Variants in PACRGL observed in about 807,000 individuals in gnomAD.
PACRGL encodes PACRG-like protein.
Under a neutral mutation model 34.5 loss-of-function variants are expected in PACRGL, and 38 were observed. The observed-to-expected ratio is 1.10, with a 90% CI of 0.85 to 1.44. The LOEUF (loss-of-function observed/expected upper bound fraction) is 1.44, where lower values mean the gene tolerates loss of function less well. PACRGL is among the 40% of genes most tolerant of loss of function. PACRGL has a pLI of 0.00. For synonymous variants in PACRGL, 128 were observed against 100.1 expected (o/e 1.28, Z -1.66); for missense variants, 305 against 281.4 (o/e 1.08, Z -0.60).
downstream of PACRGL, among the ~76,000 whole-genome samples, chr4:20,757,338 G>T (rs540187801): frequency 5.3e-4 from 80 of 152,128 alleles, no homozygotes; most frequent in Non-Finnish European, 9.0e-4. Flanking sequence ...CTCCCTGCCT[G>T]CAGTATTGCT....
chr4:20,727,283 A>AG lies in PACRGL; in HGVS notation c.693dup, dbSNP rs1491194692. ...TGATGCTCAATTTTTTTCTGTTGACAGGGGAGCCTTAGCATCATCAAATCT... is the reference window on the plus strand; with the variant it reads ...TGATGCTCAATTTTTTTCTGTTGACAGGGGGAGCCTTAGCATCATCAAATCT... On this transcript the variant is annotated splice_acceptor_variant, in intron 8 of 8. Coordinates refer to ENST00000503585, the MANE Select transcript of PACRGL (RefSeq NM_001258345.3). LOFTEE classifies it high-confidence loss of function. The AG allele has an allele frequency of 1.9e-6, 3 of 1,609,862 alleles. No individual in the cohort carries two copies. Among genetic ancestry groups the AG allele is most frequent in the Non-Finnish European group, 8.5e-7 (1 of 1,176,366 alleles).
At chr4:20,757,905 C>T (rs867018789), downstream of PACRGL, among the ~76,000 whole-genome samples, 1 of 152,176 alleles carries the variant, frequency 6.6e-6, no homozygotes, top group South Asian at 2.1e-4. Context: ...TTTATGTCCT[C>T]TCTGTCCTGC....
intron 7 of PACRGL, among the ~76,000 whole-genome samples, chr4:20,718,542 G>C (rs1049416484): frequency 2.0e-5 from 3 of 152,114 alleles, no homozygotes; most frequent in Non-Finnish European, 4.4e-5. Flanking sequence ...TAGCATGAAG[G>C]GTTGCTGATT....
chr4:20,747,562 C>T (rs1459909533), intron 8 of PACRGL, among the ~76,000 whole-genome samples: 1 of 152,180 alleles, frequency 6.6e-6, no homozygotes. Context: ...TCTCCTCTCC[C>T]TCCACTAACT....
intron 8 of PACRGL, among the ~76,000 whole-genome samples, chr4:20,725,281 G>T (rs1356556399): frequency 6.6e-6 from 1 of 151,940 alleles, no homozygotes; most frequent in South Asian, 2.1e-4. Context: ...TTCATTTGCT[G>T]CCTTTTCTGA....
At chr4:20,712,732 T>C in intron 5 of PACRGL, 56 bp from the exon 6 acceptor site, 1 of 1,329,586 alleles carries the variant, frequency 7.5e-7, no homozygotes, top group African/African-American at 1.5e-5. Context: ...TCAATTTTTC[T>C]GTTATTAGCA....
intron 7 of PACRGL, chr4:20,716,077 ACTTTAAT>A (rs890179062): frequency 3.3e-6 from 5 of 1,515,834 alleles, no homozygotes; most frequent in South Asian, 1.2e-5. Context: ...GATATGTATA[ACTTTAAT>A]CTTTAATATA....
chr4:20,753,932 TCA>T, downstream of PACRGL, among the ~76,000 whole-genome samples: 1 of 151,952 alleles, frequency 6.6e-6, no homozygotes, highest in Admixed American at 6.5e-5. Context: ...ATTCATTCAT[TCA>T]TTCAACAACT....
At chr4:20,740,387 G>A (rs1750773745) in intron 8 of PACRGL, among the ~76,000 whole-genome samples, 1 of 152,202 alleles carries the variant, frequency 6.6e-6, no homozygotes, top group South Asian at 2.1e-4. Flanking sequence ...ACTCTCGGCA[G>A]AAACTTTACA....
intron 1 of PACRGL, among the ~76,000 whole-genome samples, chr4:20,703,097 A>T (rs1169056393): frequency 6.6e-6 from 1 of 152,214 alleles, no homozygotes; most frequent in Admixed American, 6.5e-5. Context: ...AAAGCATTTC[A>T]TGTGAGGAAT....
intron 7 of PACRGL, among the ~76,000 whole-genome samples, chr4:20,713,950 G>C (rs1738550818): frequency 6.6e-6 from 1 of 152,102 alleles, no homozygotes; most frequent in South Asian, 2.1e-4. Flanking sequence ...GGTGTGGTGT[G>C]GTGCTGAAAA....
intron 1 of PACRGL, among the ~76,000 whole-genome samples, chr4:20,702,465 CTT>C (rs1454838797): frequency 6.6e-6 from 1 of 152,134 alleles, no homozygotes; most frequent in Admixed American, 6.6e-5. Flanking sequence ...CTGAAGAACA[CTT>C]TGTACCATTG....
rs760675026 is a variant in PACRGL, at chr4:20,704,666, A to G, written c.59A>G (p.Tyr20Cys). 18 of 1,613,982 alleles carry G rather than the reference A, an allele frequency of 1.1e-5. 1 individual carries two copies. In the Admixed American group the frequency reaches 1.3e-4, roughly 12 times the overall value. ...ATGTTCTGTTTTTTTCCAGGTAACT[A>G]TGATCAAAGGACATCATCAAGCACA... ...TQLKNRATGN[Y>C]DQRTSSSTQL... The change falls in exon 3 of 9, where the codon TAT becomes TGT. Residue 20 changes from tyrosine (Y) to cysteine (C), a missense_variant. Physicochemically the swap from Tyr to Cys is radical, Grantham distance 194 (BLOSUM62 -2). Coordinates refer to ENST00000503585, the MANE Select transcript of PACRGL (RefSeq NM_001258345.3).
At chr4:20,720,896 C>T (rs1175204570) in intron 7 of PACRGL, among the ~76,000 whole-genome samples, 3 of 152,176 alleles carry the variant, frequency 2.0e-5, no homozygotes, top group Non-Finnish European at 4.4e-5. Flanking sequence ...GGAAAGTTCT[C>T]CTGGATAATA....
chr4:20,758,978 T>G, the PACRGL span: 1 of 940,278 alleles, frequency 1.1e-6, no homozygotes, highest in South Asian at 1.4e-5. Context: ...CTGTCTACCA[T>G]GCAAAGCTGC....
intron 8 of PACRGL, chr4:20,749,864 C>A (rs926666135): frequency 1.6e-5 from 9 of 556,240 alleles, no homozygotes; most frequent in African/African-American, 1.1e-4. Context: ...TTCTTCACAA[C>A]TGCTTACCCT....
downstream of PACRGL, among the ~76,000 whole-genome samples, chr4:20,736,624 A>T (rs530809645): frequency 1.3e-5 from 2 of 152,172 alleles, no homozygotes; most frequent in Non-Finnish European, 2.9e-5. Context: ...ACAGTGTTAC[A>T]TAATGAAAAT....
intron 8 of PACRGL, among the ~76,000 whole-genome samples, chr4:20,737,910 T>G (rs1328093982): frequency 1.3e-5 from 2 of 151,836 alleles, no homozygotes; most frequent in Non-Finnish European, 2.9e-5. Context: ...GGTGGGAAGG[T>G]TGTTTGAGTC....
chr4:20,717,752 T>C (rs138157852), intron 7 of PACRGL, among the ~76,000 whole-genome samples: 19,175 of 152,200 alleles, frequency 0.13, 1,450 homozygotes, highest in African/African-American at 0.21. Flanking sequence ...TAGTATAGTT[T>C]GAAGTCAGGT....
Sources: gnomAD v4.1 joint callset for allele counts (sites outside exome capture counted in the v4.1 genomes callset) on GRCh38, gnomAD v4.1.1 for gene constraint, MANE v1.5 for transcripts, NCBI Gene and HGNC (gene_info 2026-07-23, HGNC 2026-07-21) for gene names.